Variants in GSK3B observed in about 807,000 individuals in gnomAD.
GSK3B encodes the protein glycogen synthase kinase-3 beta.
Under a neutral mutation model 56.4 loss-of-function variants are expected in GSK3B, and 15 were observed. That is an observed-to-expected ratio of 0.27 (90% CI 0.18 to 0.41). GSK3B has a LOEUF of 0.41. Among genes scored for constraint, GSK3B ranks in the 10% least tolerant of loss-of-function variants. The pLI is 1.00. For missense variants in GSK3B, 300 were observed against 513.4 expected (o/e 0.58, Z 4.02); for synonymous variants, 181 against 188.9 (o/e 0.96, Z 0.34).
Position 119,822,126 on chromosome 3 carries a change from A to AAT in GSK3B, c.*4661_*4662insAT, listed in dbSNP as rs1205345869. 3.0e-5 allele frequency: 6 copies of AAT among 198,566 alleles called. No individual in the cohort carries two copies. 12.3% of individuals were successfully genotyped at this position (198,566 alleles called of 1,614,324 possible). A position where few individuals can be genotyped will look rare whatever the true frequency, so the allele number is the denominator to read the frequency against. On this transcript the variant is annotated 3_prime_UTR_variant, in exon 11 of 11. Coordinates refer to ENST00000264235, the MANE Select transcript of GSK3B (RefSeq NM_001146156.2). ...AAAAGTTTATATTTAAAATGAAAAA[A>AAT]AAATCAGTCACAGAGGCATTCAAGT...
intron 7 of GSK3B, among the ~76,000 whole-genome samples, chr3:119,904,547 A>G (rs1429626449): frequency 1.3e-5 from 2 of 152,130 alleles, no homozygotes; most frequent in African/African-American, 4.8e-5. Context: ...ATCTAGCAAA[A>G]CCACCTTTGA....
chr3:119,936,668 A>T (rs2056998129), intron 3 of GSK3B, among the ~76,000 whole-genome samples: 1 of 151,740 alleles, frequency 6.6e-6, no homozygotes, highest in Non-Finnish European at 1.5e-5. Flanking sequence ...TATGTTGATT[A>T]AAAAAATCAA....
chr3:119,981,413 G>A (rs555002816), intron 2 of GSK3B, among the ~76,000 whole-genome samples: 2 of 152,352 alleles, frequency 1.3e-5, no homozygotes, highest in African/African-American at 4.8e-5. Flanking sequence ...CCCACAAAGC[G>A]CAAGGAGTCG....
chr3:120,023,655 C>A (rs1347821798), intron 1 of GSK3B, among the ~76,000 whole-genome samples: 1 of 152,148 alleles, frequency 6.6e-6, no homozygotes, highest in African/African-American at 2.4e-5. Flanking sequence ...TTAAGACCCT[C>A]ATACACACAC....
At chr3:120,029,205 G>T (rs2057955139) in intron 1 of GSK3B, 2 of 682,452 alleles carry the variant, frequency 2.9e-6, no homozygotes, top group Non-Finnish European at 5.4e-6. Context: ...TTAACAAGTG[G>T]TAGAATAACC....
intron 7 of GSK3B, among the ~76,000 whole-genome samples, chr3:119,880,632 C>T (rs567317751): frequency 4.6e-5 from 7 of 152,134 alleles, no homozygotes; most frequent in Admixed American, 2.0e-4. Flanking sequence ...AAAAATAAAC[C>T]GACCTTTAAC....
At chr3:119,978,359 G>A (rs1255799618) in intron 2 of GSK3B, among the ~76,000 whole-genome samples, 6 of 151,974 alleles carry the variant, frequency 3.9e-5, no homozygotes, top group Admixed American at 1.3e-4. Context: ...AAGCCCCCTC[G>A]CCCTAAAACC....
At chr3:119,902,825 C>T (rs1176644958) in intron 7 of GSK3B, among the ~76,000 whole-genome samples, 1 of 152,128 alleles carries the variant, frequency 6.6e-6, no homozygotes, top group East Asian at 1.9e-4. Flanking sequence ...AGCTACCCTC[C>T]CACTTCAGGC....
intron 1 of GSK3B, among the ~76,000 whole-genome samples, chr3:120,078,191 T>C (rs1387761395): frequency 6.6e-6 from 1 of 152,124 alleles, no homozygotes; most frequent in Non-Finnish European, 1.5e-5. Flanking sequence ...CTCACCTCTT[T>C]CCTAGACTTT....
intron 3 of GSK3B, among the ~76,000 whole-genome samples, chr3:119,946,621 CAG>C (rs1190263505): frequency 1.3e-5 from 2 of 152,128 alleles, no homozygotes; most frequent in African/African-American, 2.4e-5. Context: ...CAAGGAAAAA[CAG>C]AAGAAATTTA....
chr3:119,930,608 C>A (rs943674171), intron 3 of GSK3B, among the ~76,000 whole-genome samples: 2 of 152,104 alleles, frequency 1.3e-5, no homozygotes, highest in African/African-American at 4.8e-5. Context: ...TTAACAAAGG[C>A]CCTATGACTA....
At chr3:119,949,877 A>G (rs1559849389) in intron 2 of GSK3B, among the ~76,000 whole-genome samples, 1 of 148,904 alleles carries the variant, frequency 6.7e-6, no homozygotes, top group Non-Finnish European at 1.5e-5. Flanking sequence ...TTCGTTTTTT[A>G]TCTATTAAGT....
At chr3:119,965,371 T>A (rs116101751) in intron 2 of GSK3B, among the ~76,000 whole-genome samples, 12,870 of 151,406 alleles carry the variant, frequency 0.085, 681 homozygotes, top group Non-Finnish European at 0.11. Context: ...GCCATTTTTT[T>A]TTTTTATTTT....
At chr3:119,843,387 A>T (rs188024243) in intron 9 of GSK3B, 34 bp from the exon 10 acceptor site, 1 of 1,184,818 alleles carries the variant, frequency 8.4e-7, no homozygotes. Flanking sequence ...GTTAGAGTCC[A>T]CTCTTAACTT....
chr3:120,059,554 T>C (rs1445206558), intron 1 of GSK3B, among the ~76,000 whole-genome samples: 1 of 152,172 alleles, frequency 6.6e-6, no homozygotes, highest in Non-Finnish European at 1.5e-5. Context: ...TTTTTACAAC[T>C]TCCGAATTCC....
intron 1 of GSK3B, among the ~76,000 whole-genome samples, chr3:120,087,404 C>A (rs1239793420): frequency 1.3e-5 from 2 of 151,988 alleles, no homozygotes; most frequent in African/African-American, 4.8e-5. Flanking sequence ...TGGTGGCAGG[C>A]ACCTGTAATC....
At position 119,824,054 on chromosome 3, in the gene GSK3B, T is replaced by C. The variant is rs930982660; in HGVS notation, c.*2734A>G. On this transcript the variant is annotated 3_prime_UTR_variant, in exon 11 of 11. Coordinates refer to ENST00000264235, the MANE Select transcript of GSK3B (RefSeq NM_001146156.2). ...AAACTATATGGCTTTAAAAAGCTCG[T>C]CTACATTTTGTCTGATTATTAAACA... 4.9e-6 allele frequency: 1 copy of C among 203,182 alleles called. No homozygotes were observed. The highest frequency in any genetic ancestry group is 2.3e-5 in the African/African-American group (1 of 43,692). 12.6% of individuals were successfully genotyped at this position (203,182 alleles called of 1,614,324 possible).
intron 2 of GSK3B, among the ~76,000 whole-genome samples, chr3:119,958,197 T>C (rs1481478328): frequency 1.3e-5 from 2 of 152,114 alleles, no homozygotes; most frequent in African/African-American, 2.4e-5. Context: ...CCTGCTTTCT[T>C]TCCCTTTCGC....
intron 8 of GSK3B, among the ~76,000 whole-genome samples, chr3:119,864,171 AT>A (rs2056146370): frequency 6.6e-6 from 1 of 152,098 alleles, no homozygotes; most frequent in East Asian, 1.9e-4. Flanking sequence ...AATGTCCTGC[AT>A]TTTTTTTCTC....
Sources: allele counts gnomAD v4.1 joint callset (sites outside exome capture counted in the v4.1 genomes callset), GRCh38; gene constraint gnomAD v4.1.1; transcripts MANE v1.5; gene names NCBI Gene and HGNC (gene_info 2026-07-23, HGNC 2026-07-21).